ABHD6: variants seen among roughly 807,000 people sequenced by gnomAD.
ABHD6 encodes abhydrolase domain containing 6, acylglycerol lipase.
In ABHD6, 33 loss-of-function variants were observed where a neutral mutation model predicts 38.8. The observed-to-expected ratio is 0.85, with a 90% CI of 0.64 to 1.14. ABHD6 has a LOEUF of 1.14. ABHD6 is among the 50% of genes most tolerant of loss of function. The pLI is 0.00. For missense variants in ABHD6, 380 were observed against 422.6 expected, an observed-to-expected ratio of 0.90 and a Z score of 0.88; for synonymous variants, 147 against 161.6, an observed-to-expected ratio of 0.91 and a Z score of 0.69.
rs1309704385 is a variant in ABHD6 at position 58,290,563 on chromosome 3, A to G, written c.838-3026A>G. ...CGGACGGGTCGGCTGCCAGGCGGAG[A>G]GGCTCCTCACTTCCCAGACGGGGTG... is the stretch of plus-strand genomic sequence containing the variant. On this transcript the variant is annotated intron_variant, in intron 9 of 9. Transcript: ENST00000478253. Among the ~76,000 whole-genome samples the G allele has an allele frequency of 4.5e-3, 236 of 52,190 alleles. 1 individual carries two copies. The highest frequency in any genetic ancestry group is 0.02 in the East Asian group (14 of 696). 34.2% of individuals were successfully genotyped at this position (52,190 alleles called of 152,430 possible).
chr3:58,269,313 G>A lies in ABHD6; in HGVS notation c.277-8G>A, dbSNP rs372363216. On this transcript the variant is annotated splice_polypyrimidine_tract_variant and splice_region_variant and intron_variant, in intron 4 of 9. Coordinates refer to ENST00000478253, the MANE Select transcript of ABHD6 (RefSeq NM_001320126.2). The surrounding 1 kb of genome is among the most constrained non-coding windows in gnomAD (Gnocchi z 4.4). The stretch of plus-strand genomic sequence containing the variant: ...ACATACTGACTCTCTGGGTCTGTGT[G>A]TCCTCAGTTCCTTCCAAAGAACCTG... 4 of 1,609,734 alleles carry A rather than the reference G, an allele frequency of 2.5e-6. No homozygotes were observed. In the South Asian group the frequency reaches 3.3e-5, roughly 13 times the overall value.
At chr3:58,258,494 T>C (rs1388911548) in intron 3 of ABHD6, 1 of 327,434 alleles carries the variant, frequency 3.1e-6, no homozygotes. Context: ...AGTGACTTTC[T>C]CATGATGTGC....
chr3:58,249,434 C>T lies in ABHD6; in HGVS notation c.-90-444C>T, dbSNP rs181944806. 1.4e-4 allele frequency among the ~76,000 whole-genome samples: 22 copies of T among 152,276 alleles called. No homozygotes were observed. In the East Asian group the frequency reaches 3.5e-3, roughly 24 times the overall value. On this transcript the variant is annotated intron_variant, in intron 1 of 9. Coordinates refer to ENST00000478253, the MANE Select transcript of ABHD6 (RefSeq NM_001320126.2). ...GCTTCTGCCCAACCCAGTTTTGGAG[C>T]GGTGCAGCCCCCCTGACAGTACCAG...
intron 9 of ABHD6, among the ~76,000 whole-genome samples, chr3:58,286,842 G>GCATATATATATATATA (rs1264959604): frequency 8.2e-5 from 3 of 36,414 alleles, no homozygotes; most frequent in South Asian, 1.4e-3. Flanking sequence ...GTGTGTGTGT[G>GCATATATATATATATA]TGTGTGTGTG....
At chr3:58,272,157 T>C (rs2107457419) in intron 6 of ABHD6, among the ~76,000 whole-genome samples, 1 of 152,298 alleles carries the variant, frequency 6.6e-6, no homozygotes, top group East Asian at 1.9e-4. Flanking sequence ...CATAGTAAAT[T>C]GTCTAAATTT....
intron 6 of ABHD6, among the ~76,000 whole-genome samples, chr3:58,271,766 G>GTTTTTTTTTTTTTTTTTTTTTTTTTT (rs3038091): frequency 7.9e-5 from 5 of 63,632 alleles, no homozygotes; most frequent in African/African-American, 3.6e-4. Context: ...CCCTCTCTCT[G>GTTTTTTTTTTTTTTTTTTTTTTTTTT]TTTTTTTTTT....
intron 9 of ABHD6, among the ~76,000 whole-genome samples, chr3:58,290,229 C>T (rs2097461087): frequency 8.0e-6 from 1 of 124,890 alleles, no homozygotes; most frequent in Non-Finnish European, 1.7e-5. Context: ...TCCTCACTTC[C>T]CAGTAGGGGC....
chr3:58,256,806 T>TCCAAC lies in ABHD6; in HGVS notation c.119+101_119+102insCCAAC, dbSNP rs2097433703. On this transcript the variant is annotated intron_variant, in intron 3 of 9. Coordinates refer to ENST00000478253, the MANE Select transcript of ABHD6 (RefSeq NM_001320126.2). The surrounding 1 kb of genome is among the most constrained non-coding windows in gnomAD (Gnocchi z 4.3). ...TATTGTCCAACATTTTATCAGGAAG[T>TCCAAC]ATTTCAGACAGAGAGAAAAGTTGAA... The TCCAAC allele has an allele frequency of 5.0e-6, 5 of 996,064 alleles. No homozygotes were observed. The highest frequency in any genetic ancestry group is 7.6e-6 in the Non-Finnish European group (5 of 658,932). 61.7% of individuals were successfully genotyped at this position (996,064 alleles called of 1,614,324 possible). A position where few individuals can be genotyped will look rare whatever the true frequency, so the allele number is the denominator to read the frequency against.
At chr3:58,245,669 CT>C (rs2097425885) in intron 1 of ABHD6, among the ~76,000 whole-genome samples, 1 of 152,086 alleles carries the variant, frequency 6.6e-6, no homozygotes, top group South Asian at 2.1e-4. Context: ...GTCCCAGCTA[CT>C]TGGGGAGACT....
intron 9 of ABHD6, among the ~76,000 whole-genome samples, chr3:58,286,093 C>A (rs541477319): frequency 6.6e-6 from 1 of 152,098 alleles, no homozygotes; most frequent in African/African-American, 2.4e-5. Context: ...AATCTCGGCT[C>A]ACTGCAAGCT....
chr3:58,267,315 C>G lies in ABHD6; in HGVS notation c.246C>G (p.Ala82=). 1 of 1,614,052 alleles carries G rather than the reference C, an allele frequency of 6.2e-7. No individual in the cohort carries two copies. Among genetic ancestry groups the G allele is most frequent in the African/African-American group, 1.3e-5 (1 of 75,000 alleles). ...PSILMLHGFS[A]HKDMWLSVVK... is the part of the protein sequence containing the mutation. ...TCCTCATGCTCCACGGATTCTCTGC[C>G]CACAAGGATATGTGGCTCAGTGTGG... The change falls in exon 4 of 10, where the codon GCC becomes GCG. Residue 82 remains alanine, a synonymous_variant. Transcript: ENST00000478253. This position sits in a 1 kb window ranked among gnomAD's most constrained non-coding sequence, Gnocchi z 4.3.
At chr3:58,254,848 GTA>G (rs1295921882) in intron 2 of ABHD6, among the ~76,000 whole-genome samples, 1 of 96,780 alleles carries the variant, frequency 1.0e-5, no homozygotes, top group African/African-American at 5.3e-5. Flanking sequence ...ATATATATGT[GTA>G]TACACACACA....
chr3:58,264,387 G>GCACACACACACACACACACACA (rs61099164), intron 3 of ABHD6, among the ~76,000 whole-genome samples: 2 of 132,214 alleles, frequency 1.5e-5, no homozygotes, highest in Non-Finnish European at 3.2e-5. Context: ...TTATATAAAC[G>GCACACACACACACACACACACA]CACACACACA....
chr3:58,253,565 A>G (rs1016273203), intron 2 of ABHD6, among the ~76,000 whole-genome samples: 2 of 152,256 alleles, frequency 1.3e-5, no homozygotes, highest in African/African-American at 4.8e-5. Flanking sequence ...CAGGTCTCTT[A>G]CAGAGTCATT....
rs781177697 is a variant in ABHD6 at position 58,293,940 on chromosome 3, G to A, written c.*175G>A. 116 of 585,452 alleles carry A rather than the reference G, an allele frequency of 2.0e-4. 1 individual carries two copies. In the East Asian group the frequency reaches 3.0e-3, roughly 15 times the overall value. 36.3% of individuals were successfully genotyped at this position (585,452 alleles called of 1,614,324 possible). ...TTCCCCAGAGCTTTGGGGACCACGC[G>A]AAAACCTCCAAGATATTTTTCACAA... On this transcript the variant is annotated 3_prime_UTR_variant, in exon 10 of 10. Coordinates refer to ENST00000478253, the MANE Select transcript of ABHD6 (RefSeq NM_001320126.2). This position sits in a 1 kb window ranked among gnomAD's most constrained non-coding sequence, Gnocchi z 4.4.
intron 7 of ABHD6, among the ~76,000 whole-genome samples, chr3:58,275,072 A>G (rs1414291690): frequency 6.6e-6 from 1 of 152,202 alleles, no homozygotes; most frequent in Non-Finnish European, 1.5e-5. Flanking sequence ...ACAATGAACT[A>G]CCAGTGGTCA....
Position 58,285,080 on chromosome 3 carries a change from C to T in ABHD6, c.682-5C>T. On this transcript the variant is annotated splice_polypyrimidine_tract_variant and splice_region_variant and intron_variant, in intron 7 of 9. Coordinates refer to ENST00000478253, the MANE Select transcript of ABHD6 (RefSeq NM_001320126.2). The surrounding 1 kb of genome is among the most constrained non-coding windows in gnomAD (Gnocchi z 4.9). The stretch of plus-strand genomic sequence containing the variant: ...GCTCTCTAACTTTGGGTTATTTATC[C>T]TTAGATCCTGCAAGGCCTTGTCGAT... 1 of 1,614,008 alleles carries T rather than the reference C, an allele frequency of 6.2e-7. No homozygotes were observed. The highest frequency in any genetic ancestry group is 8.5e-7 in the Non-Finnish European group (1 of 1,179,912).
At chr3:58,286,845 T>C (rs1223233089) in intron 9 of ABHD6, among the ~76,000 whole-genome samples, 2 of 101,336 alleles carry the variant, frequency 2.0e-5, no homozygotes, top group Non-Finnish European at 3.9e-5. Context: ...TGTGTGTGTG[T>C]GTGTGTGTAT....
intron 1 of ABHD6, among the ~76,000 whole-genome samples, chr3:58,247,055 G>C (rs202202070): frequency 1.2e-5 from 1 of 86,066 alleles, no homozygotes; most frequent in Non-Finnish European, 2.4e-5. Context: ...TTTTTTTTTT[G>C]AGACAGAGCC....
Sources: allele counts gnomAD v4.1 joint callset (sites outside exome capture counted in the v4.1 genomes callset), GRCh38; gene constraint gnomAD v4.1.1; non-coding constraint Gnocchi (gnomAD v3.1); transcripts MANE v1.5; gene names NCBI Gene and HGNC (gene_info 2026-07-23, HGNC 2026-07-21).